The following NLRP9 variants were observed in gnomAD, a reference collection of about 807,000 sequenced individuals.
NLRP9 encodes NLR family pyrin domain containing 9, also known as NACHT, LRR and PYD domains-containing protein 9.
NLRP9 carries 88 observed loss-of-function variants against 83.1 expected under a neutral mutation model. That is an observed-to-expected ratio of 1.06 (90% CI 0.89 to 1.26). The LOEUF (loss-of-function observed/expected upper bound fraction) is 1.26, where lower values mean the gene tolerates loss of function less well. NLRP9 is among the 50% of genes most tolerant of loss of function. The pLI, the probability that NLRP9 is intolerant of heterozygous loss-of-function variation, is 0.00. For synonymous variants in NLRP9, 521 were observed against 447.6 expected (o/e 1.16, Z -2.07); for missense variants, 1,308 against 1,179.3 (o/e 1.11, Z -1.60).
chr19:55,733,563 G>A lies in NLRP9; in HGVS notation c.281-13C>T, dbSNP rs369608035. ...GGGTTTAGCTTATCTGTGTTAATGA[G>A]AACAGGATATAAGATAGGTAAAAAT... is the stretch of plus-strand genomic sequence containing the variant. On this transcript the variant is annotated splice_polypyrimidine_tract_variant and intron_variant, in intron 1 of 8. Transcript: ENST00000332836. The A allele has an allele frequency of 5.6e-6, 8 of 1,416,472 alleles. No individual in the cohort carries two copies. Among genetic ancestry groups the A allele is most frequent in the Non-Finnish European group, 7.8e-6 (8 of 1,031,396 alleles). The allele number at this position is 1,416,472 out of a possible 1,614,324, so 87.7% of individuals were successfully genotyped here.
intron 2 of NLRP9, 123 bp from the exon 3 acceptor site, chr19:55,730,115 A>G: frequency 1.2e-6 from 1 of 826,680 alleles, no homozygotes; most frequent in Non-Finnish European, 1.9e-6. Context: ...CTGAACAGGG[A>G]GAAGGTCAGC....
At chr19:55,714,935 C>A (rs771639091) in intron 6 of NLRP9, 120 bp downstream of exon 6, 6 of 956,256 alleles carry the variant, frequency 6.3e-6, no homozygotes, top group Non-Finnish European at 7.8e-6. Flanking sequence ...ACCCAACATA[C>A]GAATTTTGGG....
At chr19:55,715,886 A>C (rs1210528716) in intron 5 of NLRP9, among the ~76,000 whole-genome samples, 1 of 152,212 alleles carries the variant, frequency 6.6e-6, no homozygotes, top group Non-Finnish European at 1.5e-5. Context: ...ACGATATCCC[A>C]TGTAGAATAA....
intron 4 of NLRP9, among the ~76,000 whole-genome samples, chr19:55,721,229 G>A (rs1370198012): frequency 1.3e-5 from 2 of 152,330 alleles, no homozygotes; most frequent in African/African-American, 4.8e-5. Context: ...GTTGGGTGGT[G>A]ATTGGTATAT....
At chr19:55,726,983 A>G (rs528849538) in intron 3 of NLRP9, among the ~76,000 whole-genome samples, 2 of 152,344 alleles carry the variant, frequency 1.3e-5, no homozygotes, top group South Asian at 4.1e-4. Context: ...CACTGAACTA[A>G]AGGACTTGTG....
chr19:55,711,844 C>T lies in NLRP9; in HGVS notation c.2799G>A (p.Leu933=). 6.2e-7 allele frequency: 1 copy of T among 1,613,392 alleles called. No individual in the cohort carries two copies. The highest frequency in any genetic ancestry group is 8.5e-7 in the Non-Finnish European group (1 of 1,179,952). ...AGTCCGGGTGGCTCAATGCCTCACA[C>T]AGCACCACCACTGCATCAGCATCCA... ...IALDADAVVV[L]CEALSHPDCA... is the part of the protein sequence containing the mutation. The change falls in exon 8 of 9, where the codon CTG becomes CTA. Residue 933 remains leucine (L), a synonymous_variant. Transcript: ENST00000332836.
intron 1 of NLRP9, among the ~76,000 whole-genome samples, chr19:55,737,109 G>C (rs1988804549): frequency 6.6e-6 from 1 of 152,058 alleles, no homozygotes; most frequent in East Asian, 1.9e-4. Flanking sequence ...TATCCCCCGA[G>C]AGGAGGGTGT....
chr19:55,709,061 A>G lies in NLRP9; in HGVS notation c.2844-17T>C, dbSNP rs746811874. 1.2e-5 allele frequency: 18 copies of G among 1,552,054 alleles called. No homozygotes were observed. The highest frequency in any genetic ancestry group is 2.5e-5 in the South Asian group (2 of 79,938). Reference sequence around the variant, plus strand: ...TTGTGCAGCCTGGGAAAATAGAAATAAAGTTTTTTTTTTTGTTTTTCATTT... The same window carrying G: ...TTGTGCAGCCTGGGAAAATAGAAATGAAGTTTTTTTTTTTGTTTTTCATTT... On this transcript the variant is annotated splice_polypyrimidine_tract_variant and intron_variant, in intron 8 of 8. Transcript: ENST00000332836.
intron 4 of NLRP9, 135 bp from the exon 5 acceptor site, chr19:55,717,033 CTTTTTT>C (rs397968319): frequency 4.6e-4 from 170 of 366,254 alleles, no homozygotes; most frequent in African/African-American, 3.5e-3. Flanking sequence ...GACTCTTTTT[CTTTTTT>C]TTTTTTTTTT....
Position 55,712,016 on chromosome 19 carries a change from G to C in NLRP9, c.2673-46C>G, listed in dbSNP as rs1454212397. ...AGAGAATCCACTCTAGCTTTGGGTA[G>C]GCTGGAAGGCACGCCATTGTTACTT... On this transcript the variant is annotated intron_variant, in intron 7 of 8. Transcript: ENST00000332836. The C allele has an allele frequency of 2.5e-6, 4 of 1,580,782 alleles. No homozygotes were observed. In the East Asian group the frequency reaches 9.0e-5, roughly 35 times the overall value.
chr19:55,718,290 C>T (rs148425591), intron 4 of NLRP9, among the ~76,000 whole-genome samples: 1,926 of 152,238 alleles, frequency 0.013, 14 homozygotes, highest in Non-Finnish European at 0.02. Flanking sequence ...AAAGACTTTA[C>T]CATCCCCCAA....
chr19:55,723,498 G>A (rs960271686), intron 4 of NLRP9, among the ~76,000 whole-genome samples: 20 of 152,160 alleles, frequency 1.3e-4, no homozygotes, highest in East Asian at 3.9e-4. Flanking sequence ...AGGTCAAGGC[G>A]GGCAGATTGG....
intron 4 of NLRP9, among the ~76,000 whole-genome samples, chr19:55,718,639 C>CT (rs1176080678): frequency 2.0e-5 from 3 of 152,232 alleles, no homozygotes; most frequent in Non-Finnish European, 4.4e-5. Context: ...ACATGTTTCT[C>CT]TGCTGACCCT....
In NLRP9 at chr19:55,732,069, A is replaced by G. The variant is rs146240166; in HGVS notation, c.1762T>C (p.Cys588Arg). 922 of 1,607,362 alleles carry G rather than the reference A, an allele frequency of 5.7e-4. 3 individuals carry two copies. In the African/African-American group the frequency reaches 0.011, roughly 19 times the overall value. ...LVIASFCLKH[C>R]QHLTTLRMCV... ...ATGCGAAGTGTCGTTAAATGTTGACAATGCTTCAGGCAGAATGAAGCTATT... is the reference window on the plus strand; with the variant it reads ...ATGCGAAGTGTCGTTAAATGTTGACGATGCTTCAGGCAGAATGAAGCTATT... The change falls in exon 2 of 9, where the codon TGT becomes CGT. Residue 588 changes from cysteine (C) to arginine (R), a missense_variant. By Grantham distance (180) the Cys-to-Arg change is radical. Coordinates refer to ENST00000332836, the MANE Select transcript of NLRP9 (RefSeq NM_176820.4).
intron 3 of NLRP9, among the ~76,000 whole-genome samples, chr19:55,727,467 T>C (rs1568600906): frequency 6.6e-6 from 1 of 152,146 alleles, no homozygotes; most frequent in Non-Finnish European, 1.5e-5. Flanking sequence ...ACTGAATTTA[T>C]AAAACAAAAA....
chr19:55,712,133 T>C (rs1447873037), intron 7 of NLRP9, among the ~76,000 whole-genome samples, 163 bp from the exon 8 acceptor site: 1 of 152,168 alleles, frequency 6.6e-6, no homozygotes. Flanking sequence ...GTATGTCTAG[T>C]GACCTTTATC....
At position 55,724,224 on chromosome 19, in the gene NLRP9, T is replaced by C. The variant is rs1379532638; in HGVS notation, c.1995-80A>G. ...CAGACACCTCTTGTACGATTCTTCC[T>C]GCCCTGAATGCTGGGCCTCACCACA... On this transcript the variant is annotated intron_variant, in intron 3 of 8. Transcript: ENST00000332836. The C allele has an allele frequency of 3.1e-5, 29 of 934,874 alleles. No homozygotes were observed. In the East Asian group the frequency reaches 7.0e-4, roughly 23 times the overall value. The allele number at this position is 934,874 out of a possible 1,614,324, so 57.9% of individuals were successfully genotyped here.
At chr19:55,734,775 C>T (rs1330722301) in intron 1 of NLRP9, among the ~76,000 whole-genome samples, 1 of 151,872 alleles carries the variant, frequency 6.6e-6, no homozygotes, top group East Asian at 1.9e-4. Context: ...GCTGGGATTA[C>T]AGGCACCTGC....
chr19:55,715,941 A>G (rs1460609134), intron 5 of NLRP9, among the ~76,000 whole-genome samples: 2 of 152,242 alleles, frequency 1.3e-5, no homozygotes, highest in Non-Finnish European at 2.9e-5. Flanking sequence ...TTTTGTTAAA[A>G]GAATAGATTT....
Sources: allele counts gnomAD v4.1 joint callset (sites outside exome capture counted in the v4.1 genomes callset), GRCh38; gene constraint gnomAD v4.1.1; transcripts MANE v1.5; gene names NCBI Gene and HGNC (gene_info 2026-07-23, HGNC 2026-07-21).